The following PPP2R3A variants were observed in gnomAD, a reference collection of about 807,000 sequenced individuals.
PPP2R3A encodes the protein protein phosphatase 2 regulatory subunit B''alpha, also known as serine/threonine-protein phosphatase 2A regulatory subunit B'' subunit alpha.
A neutral mutation model predicts 106.9 loss-of-function variants in PPP2R3A; 80 were observed. The observed-to-expected ratio is 0.75, with a 90% CI of 0.62 to 0.90. The LOEUF (loss-of-function observed/expected upper bound fraction) is 0.90. PPP2R3A is among the 40% of genes least tolerant of loss of function. The pLI, the probability that PPP2R3A is intolerant of heterozygous loss-of-function variation, is 0.00. For missense variants in PPP2R3A, 1,386 were observed against 1,350.4 expected (o/e 1.03, Z -0.41); for synonymous variants, 483 against 468.3 (o/e 1.03, Z -0.41).
chr3:136,097,722 C>T (rs1026672727), intron 10 of PPP2R3A, among the ~76,000 whole-genome samples: 15 of 152,074 alleles, frequency 9.9e-5, no homozygotes, highest in South Asian at 2.1e-4. Context: ...GATTTTGGTT[C>T]TCTTAAGATA....
intron 13 of PPP2R3A, among the ~76,000 whole-genome samples, chr3:136,136,093 T>TATAA (rs1221985359): frequency 2.5e-5 from 3 of 118,624 alleles, no homozygotes; most frequent in South Asian, 2.7e-4. Context: ...TATATATATA[T>TATAA]AAAAAACATC....
chr3:135,984,960 TCATGAGACC>T (rs886561454), intron 1 of PPP2R3A, among the ~76,000 whole-genome samples: 6 of 152,018 alleles, frequency 3.9e-5, no homozygotes, highest in African/African-American at 1.4e-4. Flanking sequence ...CCATCAGATC[TCATGAGACC>T]CATTCACTGT....
intron 2 of PPP2R3A, among the ~76,000 whole-genome samples, chr3:136,013,178 GTGTGTATGTA>G (rs776533905): frequency 1.4e-3 from 178 of 126,896 alleles, no homozygotes; most frequent in Non-Finnish European, 1.9e-3. Flanking sequence ...GTGTGTGTGT[GTGTGTATGTA>G]TGTATGTATG....
In PPP2R3A at chr3:135,998,992, A is replaced by G. The variant is rs540487415; in HGVS notation, c.-440-2067A>G. ...GAAAAGAACATTTATTAATTGGGGG[A>G]GCAAAATGGGAGAAACTTGGCCTCA... On this transcript the variant is annotated intron_variant, in intron 1 of 13. Coordinates refer to ENST00000264977, the MANE Select transcript of PPP2R3A (RefSeq NM_002718.5). Among the ~76,000 whole-genome samples, 39 of 152,196 alleles carry G rather than the reference A, an allele frequency of 2.6e-4. 1 individual carries two copies. Among genetic ancestry groups the G allele is most frequent in the African/African-American group, 9.2e-4 (38 of 41,528 alleles).
chr3:136,104,506 A>G (rs1937465548), intron 12 of PPP2R3A, among the ~76,000 whole-genome samples: 1 of 152,090 alleles, frequency 6.6e-6, no homozygotes. Context: ...AGGTTTCTCC[A>G]TATTGGTCAG....
intron 5 of PPP2R3A, among the ~76,000 whole-genome samples, chr3:136,059,731 A>T (rs1437062241): frequency 6.6e-6 from 1 of 152,224 alleles, no homozygotes; most frequent in Non-Finnish European, 1.5e-5. Context: ...AATCAACCTA[A>T]ATGCCCATCA....
intron 2 of PPP2R3A, among the ~76,000 whole-genome samples, chr3:136,013,635 G>C (rs1934169818): frequency 6.6e-6 from 1 of 151,932 alleles, no homozygotes; most frequent in African/African-American, 2.4e-5. Flanking sequence ...TATATTTGTT[G>C]GCCATTTGTA....
chr3:136,132,696 G>A (rs1001874786), intron 13 of PPP2R3A, among the ~76,000 whole-genome samples: 2 of 151,794 alleles, frequency 1.3e-5, no homozygotes, highest in Admixed American at 1.3e-4. Flanking sequence ...TCGATGTACG[G>A]ATTTAACATA....
chr3:136,028,352 T>G (rs1005799119), intron 3 of PPP2R3A, among the ~76,000 whole-genome samples: 1 of 152,244 alleles, frequency 6.6e-6, no homozygotes, highest in African/African-American at 2.4e-5. Context: ...TTCTCTTCCT[T>G]CATTCCCCCT....
chr3:136,039,310 A>G (rs149640066), intron 3 of PPP2R3A, among the ~76,000 whole-genome samples: 107 of 152,328 alleles, frequency 7.0e-4, no homozygotes, highest in African/African-American at 2.5e-3. Flanking sequence ...CTTGTTGAAG[A>G]GTTCCACATT....
chr3:135,995,331 T>C (rs1933342709), intron 1 of PPP2R3A, among the ~76,000 whole-genome samples: 1 of 152,164 alleles, frequency 6.6e-6, no homozygotes, highest in African/African-American at 2.4e-5. Context: ...TCTAAGATTA[T>C]AAAACTCATT....
At chr3:135,976,707 A>G (rs1159053056) in intron 1 of PPP2R3A, among the ~76,000 whole-genome samples, 1 of 152,148 alleles carries the variant, frequency 6.6e-6, no homozygotes, top group African/African-American at 2.4e-5. Context: ...TTTGATGGCA[A>G]ATTTCCCTAT....
At position 136,003,337 on chromosome 3, in the gene PPP2R3A, G is replaced by A. The variant is rs764315221; in HGVS notation, c.1839G>A (p.Gly613=). Residue 613 remains glycine (G), a synonymous_variant, in exon 2 of 14, where the codon GGG becomes GGA. Coordinates refer to ENST00000264977, the MANE Select transcript of PPP2R3A (RefSeq NM_002718.5). ...QELVECKSSR[G]SLSQEKEMMQ... ...TAGTTGAATGCAAATCAAGCAGAGG[G>A]AGCCTATCACAAGAAAAGGAAATGA... The A allele has an allele frequency of 1.9e-6, 3 of 1,613,844 alleles. No homozygotes were observed. Among genetic ancestry groups the A allele is most frequent in the Admixed American group, 3.3e-5 (2 of 59,966 alleles).
chr3:136,004,396 G>A (rs1412714401), intron 2 of PPP2R3A, among the ~76,000 whole-genome samples: 1 of 152,168 alleles, frequency 6.6e-6, no homozygotes, highest in Non-Finnish European at 1.5e-5. Flanking sequence ...ACCCATCTAG[G>A]ATATGTGGCT....
intron 4 of PPP2R3A, among the ~76,000 whole-genome samples, chr3:136,046,268 CA>C (rs1224585858): frequency 6.6e-6 from 1 of 152,150 alleles, no homozygotes; most frequent in Non-Finnish European, 1.5e-5. Flanking sequence ...GCCTGGCCAA[CA>C]TGGTGAAACC....
At chr3:136,013,273 G>A (rs916921204) in intron 2 of PPP2R3A, among the ~76,000 whole-genome samples, 2 of 151,832 alleles carry the variant, frequency 1.3e-5, no homozygotes, top group Non-Finnish European at 2.9e-5. Flanking sequence ...CATTTGGGCT[G>A]GTTCCATAGT....
In PPP2R3A at chr3:136,001,392, C is replaced by G; in HGVS notation, c.-107C>G. 1.0e-6 allele frequency: 1 copy of G among 990,332 alleles called. No homozygotes were observed. Among genetic ancestry groups the G allele is most frequent in the Admixed American group, 2.3e-5 (1 of 42,902 alleles). The allele number at this position is 990,332 out of a possible 1,614,324, so 61.3% of individuals were successfully genotyped here. A position where few individuals can be genotyped will look rare whatever the true frequency, so the allele number is the denominator to read the frequency against. ...AAGCCATTATATTTGGAAGAAACCACTGAACATTGTTATTAAATATATTTT... is the reference window on the plus strand; with the variant it reads ...AAGCCATTATATTTGGAAGAAACCAGTGAACATTGTTATTAAATATATTTT... On this transcript the variant is annotated 5_prime_UTR_variant, in exon 2 of 14. Coordinates refer to ENST00000264977, the MANE Select transcript of PPP2R3A (RefSeq NM_002718.5).
At chr3:136,077,570 A>G (rs1165488786) in intron 6 of PPP2R3A, among the ~76,000 whole-genome samples, 1 of 148,686 alleles carries the variant, frequency 6.7e-6, no homozygotes, top group East Asian at 2.1e-4. Flanking sequence ...GGGAGAAGAA[A>G]AATAATCAGT....
intron 6 of PPP2R3A, among the ~76,000 whole-genome samples, chr3:136,072,569 G>A (rs757010144): frequency 6.6e-6 from 1 of 152,198 alleles, no homozygotes; most frequent in Non-Finnish European, 1.5e-5. Flanking sequence ...CTCCAGCCTG[G>A]GAGGCAGAGC....
Sources: gnomAD v4.1 joint callset for allele counts (sites outside exome capture counted in the v4.1 genomes callset) on GRCh38, gnomAD v4.1.1 for gene constraint, MANE v1.5 for transcripts, NCBI Gene and HGNC (gene_info 2026-07-23, HGNC 2026-07-21) for gene names.